Variants in TRAP1 observed in about 807,000 individuals in gnomAD.
TRAP1 encodes heat shock protein 75 kDa, mitochondrial.
A neutral mutation model predicts 89.1 loss-of-function variants in TRAP1; 102 were observed. That is an observed-to-expected ratio of 1.15 (90% confidence interval 0.98 to 1.35). The LOEUF is 1.35. Ranked by LOEUF, TRAP1 falls within the 40% of genes most tolerant of loss-of-function variation. The pLI is 0.00. For synonymous variants in TRAP1, 508 were observed against 388.0 expected (o/e 1.31, Z -3.64); for missense variants, 1,256 against 945.3 (o/e 1.33, Z -4.31).
chr16:3,671,820 G>T (rs200895689), intron 10 of TRAP1, 29 bp from the exon 11 acceptor site: 8 of 1,607,794 alleles, frequency 5.0e-6, no homozygotes, highest in Non-Finnish European at 6.8e-6. Context: ...AGCTTCTCCC[G>T]GGGCTGCGGC....
At chr16:3,700,111 G>A (rs908855377) in intron 1 of TRAP1, among the ~76,000 whole-genome samples, 1 of 152,094 alleles carries the variant, frequency 6.6e-6, no homozygotes, top group Non-Finnish European at 1.5e-5. Flanking sequence ...ACTCTTTGAA[G>A]ACAGGAACAT....
chr16:3,688,620 C>CCACA (rs1422200103), intron 3 of TRAP1, among the ~76,000 whole-genome samples: 8 of 152,040 alleles, frequency 5.3e-5, no homozygotes, highest in Non-Finnish European at 1.2e-4. Context: ...GTAGCTGGGA[C>CCACA]CACAGGTCAG....
chr16:3,693,400 AAAATCCCGGGAC>A lies in TRAP1; in HGVS notation c.89-2427_89-2416del, dbSNP rs776960341. Among the ~76,000 whole-genome samples the A allele has an allele frequency of 4.2e-3, 532 of 126,216 alleles. 3 individuals carry two copies. Among genetic ancestry groups the A allele is most frequent in the East Asian group, 0.016 (51 of 3,120 alleles). The allele number at this position is 126,216 out of a possible 152,430, so 82.8% of individuals were successfully genotyped here. ...TATTCGTACAGTTAAAAAAAAAAAAAAAATCCCGGGACATTTCTTCTGGAATTAAATGGTATT... is the reference window on the plus strand; with the variant it reads ...TATTCGTACAGTTAAAAAAAAAAAAAATTTCTTCTGGAATTAAATGGTATT... On this transcript the variant is annotated intron_variant, in intron 1 of 17. Transcript: ENST00000246957.
chr16:3,707,857 C>CAAA (rs60090855), intron 1 of TRAP1, among the ~76,000 whole-genome samples: 4 of 102,646 alleles, frequency 3.9e-5, no homozygotes, highest in Non-Finnish European at 7.8e-5. Context: ...GACTCTAACT[C>CAAA]AAAAAAAAAA....
At chr16:3,692,104 G>T (rs1012188686) in intron 1 of TRAP1, among the ~76,000 whole-genome samples, 1 of 152,218 alleles carries the variant, frequency 6.6e-6, no homozygotes, top group Non-Finnish European at 1.5e-5. Flanking sequence ...TCAAGGATAT[G>T]TGGCCAGCCA....
intron 5 of TRAP1, among the ~76,000 whole-genome samples, chr16:3,679,431 A>G (rs1486721121): frequency 6.6e-6 from 1 of 152,220 alleles, no homozygotes; most frequent in African/African-American, 2.4e-5. Context: ...CATCTAAAGC[A>G]TACAAGAAGA....
At chr16:3,658,735 C>A in intron 17 of TRAP1, 58 bp downstream of exon 17, 1 of 1,530,962 alleles carries the variant, frequency 6.5e-7, no homozygotes, top group Non-Finnish European at 9.0e-7. Context: ...ACCCTGAAGG[C>A]AGGCTGGCAG....
At chr16:3,693,647 T>C (rs1443116999) in intron 1 of TRAP1, among the ~76,000 whole-genome samples, 2 of 152,158 alleles carry the variant, frequency 1.3e-5, no homozygotes, top group African/African-American at 4.8e-5. Context: ...GTGTATTTTG[T>C]TTCCTAGGAC....
chr16:3,705,227 G>A (rs188902760), intron 1 of TRAP1, among the ~76,000 whole-genome samples: 52 of 152,122 alleles, frequency 3.4e-4, no homozygotes, highest in Non-Finnish European at 4.4e-5. Flanking sequence ...ACCACACCCG[G>A]CTAATTTTTT....
chr16:3,668,876 T>C (rs1299516008), intron 11 of TRAP1, among the ~76,000 whole-genome samples: 1 of 152,092 alleles, frequency 6.6e-6, no homozygotes, highest in East Asian at 1.9e-4. Flanking sequence ...GGAGAAGAAA[T>C]ACTCAGGAAA....
chr16:3,665,248 G>C (rs1158674353), intron 12 of TRAP1: 1 of 152,222 alleles, frequency 6.6e-6, no homozygotes, highest in African/African-American at 2.4e-5. Context: ...GCCTCCTTGG[G>C]ACCCCACACA....
intron 14 of TRAP1, 41 bp downstream of exon 14, chr16:3,663,383 G>A (rs772918407): frequency 6.8e-6 from 11 of 1,612,286 alleles, no homozygotes; most frequent in South Asian, 4.4e-5. Flanking sequence ...CGTGCGGGGA[G>A]TGGAAACCAG....
chr16:3,710,879 A>ATATATAT (rs71133652), intron 1 of TRAP1, among the ~76,000 whole-genome samples: 3 of 125,802 alleles, frequency 2.4e-5, no homozygotes, highest in East Asian at 4.8e-4. Flanking sequence ...ATATATATAT[A>ATATATAT]TTTTTTTTTT....
chr16:3,707,432 G>C (rs556672457), intron 1 of TRAP1, among the ~76,000 whole-genome samples: 35 of 151,256 alleles, frequency 2.3e-4, no homozygotes, highest in African/African-American at 7.8e-4. Flanking sequence ...TGATCCACCT[G>C]CCTCAGCCTC....
At chr16:3,716,014 C>T (rs1473370372) in intron 1 of TRAP1, among the ~76,000 whole-genome samples, 1 of 152,122 alleles carries the variant, frequency 6.6e-6, no homozygotes, top group East Asian at 1.9e-4. Context: ...AGGCGCGCGC[C>T]ACCACACCCA....
chr16:3,665,822 CTTCCAT>C, intron 12 of TRAP1, 143 bp downstream of exon 12: 1 of 1,016,204 alleles, frequency 9.8e-7, no homozygotes, highest in African/African-American at 1.6e-5. Flanking sequence ...GAAGCCTGGC[CTTCCAT>C]TTCCTGACCC....
chr16:3,711,491 T>G (rs944021658), intron 1 of TRAP1, among the ~76,000 whole-genome samples: 8 of 151,850 alleles, frequency 5.3e-5, no homozygotes, highest in African/African-American at 1.9e-4. Context: ...CCCAGCTACT[T>G]GGGAGGCTGA....
At chr16:3,664,146 C>T (rs2050765980) in intron 13 of TRAP1, 128 bp downstream of exon 13, 8 of 1,016,802 alleles carry the variant, frequency 7.9e-6, no homozygotes, top group Admixed American at 6.8e-5. Flanking sequence ...CCTCTGTGCC[C>T]GTGACCCTGA....
At chr16:3,695,485 G>A (rs1418253925) in intron 1 of TRAP1, among the ~76,000 whole-genome samples, 1 of 149,472 alleles carries the variant, frequency 6.7e-6, no homozygotes, top group Non-Finnish European at 1.5e-5. Flanking sequence ...GCAGTGAGCC[G>A]AGGTCGCACC....
Sources: allele counts gnomAD v4.1 joint callset (sites outside exome capture counted in the v4.1 genomes callset), GRCh38; gene constraint gnomAD v4.1.1; transcripts MANE v1.5; gene names NCBI Gene and HGNC (gene_info 2026-07-23, HGNC 2026-07-21).